The following PCDH9 variants were observed in gnomAD, a reference collection of about 807,000 sequenced individuals.
PCDH9 encodes protocadherin-9.
In PCDH9, 24 loss-of-function variants were observed where a neutral mutation model predicts 70.6. The ratio of observed to expected loss-of-function variants is 0.34; its 90% CI spans 0.25 to 0.48. The LOEUF is 0.48. Among genes scored for constraint, PCDH9 ranks in the 20% least tolerant of loss-of-function variants. The pLI, the probability that PCDH9 is intolerant of heterozygous loss-of-function variation, is 0.99. For missense variants in PCDH9, 1,281 were observed against 1,503.6 expected (o/e 0.85, Z 2.45); for synonymous variants, 562 against 558.5 (o/e 1.01, Z -0.09).
chr13:67,199,338 G>C (rs1421331872), intron 2 of PCDH9, among the ~76,000 whole-genome samples: 3 of 151,620 alleles, frequency 2.0e-5, no homozygotes, highest in South Asian at 2.1e-4. Context: ...GCTGTTTAAA[G>C]GTTAGTCATA....
intron 3 of PCDH9, among the ~76,000 whole-genome samples, chr13:66,805,174 AC>A (rs2080391301): frequency 6.6e-6 from 1 of 152,206 alleles, no homozygotes; most frequent in African/African-American, 2.4e-5. Flanking sequence ...GTTCAATGTT[AC>A]ATAAAGTAAA....
chr13:66,544,704 G>A (rs1187746277), intron 4 of PCDH9, among the ~76,000 whole-genome samples: 1 of 152,134 alleles, frequency 6.6e-6, no homozygotes. Flanking sequence ...TCTATGAAAG[G>A]AGAGGTAACT....
intron 4 of PCDH9, among the ~76,000 whole-genome samples, chr13:66,339,799 G>A (rs1333826734): frequency 6.6e-6 from 1 of 152,096 alleles, no homozygotes; most frequent in Non-Finnish European, 1.5e-5. Context: ...TTAAAAAAGG[G>A]AATAGTATAG....
At chr13:66,668,271 GC>G (rs2078123834) in intron 3 of PCDH9, among the ~76,000 whole-genome samples, 1 of 152,086 alleles carries the variant, frequency 6.6e-6, no homozygotes, top group South Asian at 2.1e-4. Context: ...TAAAGGCATG[GC>G]TTTTTTAGTA....
intron 2 of PCDH9, among the ~76,000 whole-genome samples, chr13:66,925,509 C>T (rs1016921212): frequency 2.0e-5 from 3 of 151,880 alleles, no homozygotes; most frequent in Admixed American, 6.6e-5. Context: ...TTTCTCTGCA[C>T]ATTATCTTAG....
intron 3 of PCDH9, among the ~76,000 whole-genome samples, chr13:66,657,642 G>T (rs2077950520): frequency 6.6e-6 from 1 of 152,186 alleles, no homozygotes. Flanking sequence ...TCTGAATGAT[G>T]GGTGTGAGTG....
chr13:66,657,962 C>T (rs1396082989), intron 3 of PCDH9, among the ~76,000 whole-genome samples: 1 of 152,004 alleles, frequency 6.6e-6, no homozygotes, highest in Non-Finnish European at 1.5e-5. Flanking sequence ...TAAAAAATGG[C>T]ATTAAAGAGA....
intron 4 of PCDH9, among the ~76,000 whole-genome samples, chr13:66,404,461 A>T (rs1485999287): frequency 6.6e-6 from 1 of 152,186 alleles, no homozygotes; most frequent in East Asian, 1.9e-4. Context: ...TTAAATGTAA[A>T]GCTGGTAATG....
At chr13:67,137,869 G>A (rs7987441) in intron 2 of PCDH9, among the ~76,000 whole-genome samples, 2,069 of 152,090 alleles carry the variant, frequency 0.014, 54 homozygotes, top group South Asian at 0.069. Flanking sequence ...TCTCAAAAAT[G>A]TCCAAAAAAG....
At chr13:66,386,010 G>A (rs950969467) in intron 4 of PCDH9, among the ~76,000 whole-genome samples, 3 of 149,942 alleles carry the variant, frequency 2.0e-5, no homozygotes, top group Admixed American at 6.7e-5. Flanking sequence ...AAAAAAAAAA[G>A]GGAAGAAAAA....
intron 3 of PCDH9, among the ~76,000 whole-genome samples, chr13:66,898,282 T>C (rs2139585783): frequency 6.6e-6 from 1 of 152,200 alleles, no homozygotes; most frequent in African/African-American, 2.4e-5. Context: ...GTAAATAACA[T>C]ATATGTGTGT....
At chr13:66,366,949 C>A (rs1287504474) in intron 4 of PCDH9, among the ~76,000 whole-genome samples, 1 of 152,074 alleles carries the variant, frequency 6.6e-6, no homozygotes, top group Non-Finnish European at 1.5e-5. Context: ...TAAATCCCAG[C>A]AATTTTCAGC....
chr13:66,711,853 G>C (rs2078799263), intron 3 of PCDH9, among the ~76,000 whole-genome samples: 1 of 152,078 alleles, frequency 6.6e-6, no homozygotes, highest in Non-Finnish European at 1.5e-5. Context: ...AGCCCTTGTT[G>C]TCTTCTGCTC....
At chr13:66,582,340 C>T (rs1032604377) in intron 4 of PCDH9, among the ~76,000 whole-genome samples, 7 of 152,074 alleles carry the variant, frequency 4.6e-5, no homozygotes, top group African/African-American at 1.7e-4. Flanking sequence ...ATTCATTTCA[C>T]ATTAAAGATA....
At chr13:67,218,433 A>G (rs1032542431) in intron 2 of PCDH9, 2 of 152,118 alleles carry the variant, frequency 1.3e-5, no homozygotes, top group Non-Finnish European at 2.9e-5. Context: ...TTACAATAGA[A>G]GCTTAAAGAT....
chr13:66,640,834 C>A (rs1423515392), intron 3 of PCDH9, among the ~76,000 whole-genome samples: 1 of 151,998 alleles, frequency 6.6e-6, no homozygotes, highest in African/African-American at 2.4e-5. Flanking sequence ...TTCAACTGAT[C>A]TTGTGTCACA....
chr13:66,635,170 C>T (rs1208822167), intron 3 of PCDH9, among the ~76,000 whole-genome samples: 1 of 152,138 alleles, frequency 6.6e-6, no homozygotes, highest in Non-Finnish European at 1.5e-5. Context: ...TCAGCCTCTC[C>T]AGAGCTGGGC....
intron 2 of PCDH9, among the ~76,000 whole-genome samples, chr13:67,125,887 A>G (rs936982311): frequency 1.3e-5 from 2 of 151,830 alleles, no homozygotes; most frequent in East Asian, 3.9e-4. Context: ...GTGTATATAT[A>G]TGTGTGTGTG....
chr13:67,036,108 G>T (rs1566378844), intron 2 of PCDH9, among the ~76,000 whole-genome samples: 1 of 152,274 alleles, frequency 6.6e-6, no homozygotes, highest in East Asian at 1.9e-4. Flanking sequence ...GTCACAGCCT[G>T]TTCTAAATCT....
Sources: gnomAD v4.1 joint callset for allele counts (sites outside exome capture counted in the v4.1 genomes callset) on GRCh38, gnomAD v4.1.1 for gene constraint, MANE v1.5 for transcripts, NCBI Gene and HGNC (gene_info 2026-07-23, HGNC 2026-07-21) for gene names.